GPC6: variants seen among roughly 807,000 people sequenced by gnomAD.
GPC6 encodes glypican 6.
A neutral mutation model predicts 55.2 loss-of-function variants in GPC6; 14 were observed. The observed-to-expected ratio is 0.25, with a 90% CI of 0.17 to 0.40. The LOEUF (loss-of-function observed/expected upper bound fraction) is 0.40. GPC6 is among the 10% of genes least tolerant of loss of function. The pLI is 1.00. For missense variants in GPC6, 641 were observed against 708.5 expected, an observed-to-expected ratio of 0.90 and a Z score of 1.08; for synonymous variants, 278 against 259.6, an observed-to-expected ratio of 1.07 and a Z score of -0.68.
rs779227498 is a variant in GPC6, at chr13:93,227,414, C to A, written c.-43C>A. On this transcript the variant is annotated 5_prime_UTR_variant, in exon 1 of 9. Coordinates refer to ENST00000377047, the MANE Select transcript of GPC6 (RefSeq NM_005708.5). This position sits in a 1 kb window ranked among gnomAD's most constrained non-coding sequence, Gnocchi z 4.3. ...GGCTTGAGGGGCAAGGTGAAGAGCG[C>A]ACCGGCCGTGGGGTTTACCGAGCTG... is the stretch of plus-strand genomic sequence containing the variant. 1 of 1,605,312 alleles carries A rather than the reference C, an allele frequency of 6.2e-7. No individual in the cohort carries two copies. Among genetic ancestry groups the A allele is most frequent in the South Asian group, 1.1e-5 (1 of 90,648 alleles).
chr13:93,285,801 C>A (rs535206382), intron 1 of GPC6, among the ~76,000 whole-genome samples: 2 of 151,990 alleles, frequency 1.3e-5, no homozygotes, highest in Admixed American at 1.3e-4. Context: ...AAAATTGCTG[C>A]TTTTGAAGAC....
Position 93,811,637 on chromosome 13 carries a change from G to A in GPC6, c.320-18517G>A, listed in dbSNP as rs148810449. Among the ~76,000 whole-genome samples the A allele has an allele frequency of 4.2e-3, 641 of 151,922 alleles. 10 individuals carry two copies. Among genetic ancestry groups the A allele is most frequent in the African/African-American group, 0.015 (606 of 41,414 alleles). ...ATGGTTTCATGAGAGAATGCAAAGC[G>A]TATTCATGGGGATTGAGGCAGAGTC... is the stretch of plus-strand genomic sequence containing the variant. On this transcript the variant is annotated intron_variant, in intron 2 of 8. Transcript: ENST00000377047.
intron 3 of GPC6, among the ~76,000 whole-genome samples, chr13:93,888,805 G>T (rs1315243140): frequency 2.6e-5 from 4 of 152,090 alleles, no homozygotes; most frequent in Non-Finnish European, 5.9e-5. Flanking sequence ...AAGCAGGAAA[G>T]AAACCAAATT....
chr13:94,195,578 C>T (rs566436545), intron 4 of GPC6, among the ~76,000 whole-genome samples: 2 of 152,280 alleles, frequency 1.3e-5, no homozygotes, highest in African/African-American at 4.8e-5. Flanking sequence ...CCTCTGCTTC[C>T]TCATTCATAA....
chr13:93,691,868 T>A (rs1332810625), intron 2 of GPC6, among the ~76,000 whole-genome samples: 1 of 152,048 alleles, frequency 6.6e-6, no homozygotes, highest in Non-Finnish European at 1.5e-5. Flanking sequence ...AGCAAAATAA[T>A]CATCATTTAG....
At chr13:93,755,555 G>A (rs1413967902) in intron 2 of GPC6, among the ~76,000 whole-genome samples, 3 of 152,200 alleles carry the variant, frequency 2.0e-5, no homozygotes, top group Non-Finnish European at 2.9e-5. Flanking sequence ...GCCCTAGGGA[G>A]AGGTTAGCAC....
chr13:93,575,537 G>A (rs745888087), intron 2 of GPC6, among the ~76,000 whole-genome samples: 3 of 152,128 alleles, frequency 2.0e-5, no homozygotes. Flanking sequence ...AGATTATGCT[G>A]CTGGTCCATG....
At chr13:94,208,184 C>T (rs779677607) in intron 4 of GPC6, among the ~76,000 whole-genome samples, 7 of 152,136 alleles carry the variant, frequency 4.6e-5, no homozygotes, top group South Asian at 2.1e-4. Flanking sequence ...ATCATTCTTG[C>T]GTATACAAAT....
chr13:93,630,700 A>G (rs1879390565), intron 2 of GPC6, among the ~76,000 whole-genome samples: 1 of 152,182 alleles, frequency 6.6e-6, no homozygotes, highest in Admixed American at 6.5e-5. Context: ...TATAGCAGCA[A>G]CTAAAATAAA....
chr13:94,304,016 C>G (rs894573854), intron 5 of GPC6, among the ~76,000 whole-genome samples: 1 of 152,184 alleles, frequency 6.6e-6, no homozygotes, highest in Non-Finnish European at 1.5e-5. Flanking sequence ...AGTCAGCTGT[C>G]ACTTTCAAAG....
chr13:93,362,957 G>C (rs1199863435), intron 1 of GPC6, among the ~76,000 whole-genome samples: 1 of 151,988 alleles, frequency 6.6e-6, no homozygotes, highest in Non-Finnish European at 1.5e-5. Flanking sequence ...TAATTTTTAG[G>C]TGAAAAGACA....
intron 4 of GPC6, among the ~76,000 whole-genome samples, chr13:94,106,322 A>G (rs1886052362): frequency 6.6e-6 from 1 of 152,226 alleles, no homozygotes; most frequent in Non-Finnish European, 1.5e-5. Flanking sequence ...AGGTTACATT[A>G]TTTGGTAATT....
At chr13:94,066,068 T>G (rs1471466268) in intron 4 of GPC6, among the ~76,000 whole-genome samples, 1 of 152,208 alleles carries the variant, frequency 6.6e-6, no homozygotes. Flanking sequence ...CATGATCGAG[T>G]TTGGTTTCTC....
chr13:93,898,845 G>A (rs1876169980), intron 3 of GPC6, among the ~76,000 whole-genome samples: 1 of 150,668 alleles, frequency 6.6e-6, no homozygotes, highest in Admixed American at 6.7e-5. Context: ...AGCAAAGCAA[G>A]CATTGCTTGG....
chr13:94,168,126 C>T (rs1485323342), intron 4 of GPC6, among the ~76,000 whole-genome samples: 1 of 152,192 alleles, frequency 6.6e-6, no homozygotes, highest in African/African-American at 2.4e-5. Context: ...GTGATTTGAC[C>T]AAGACAACTC....
intron 1 of GPC6, among the ~76,000 whole-genome samples, chr13:93,280,179 C>A (rs1031537686): frequency 2.6e-5 from 4 of 152,130 alleles, no homozygotes; most frequent in African/African-American, 9.7e-5. Flanking sequence ...TGGGGGGGGC[C>A]AGACCAAAGC....
At chr13:94,051,402 T>G (rs1883943668) in intron 4 of GPC6, among the ~76,000 whole-genome samples, 1 of 152,170 alleles carries the variant, frequency 6.6e-6, no homozygotes, top group South Asian at 2.1e-4. Context: ...CTTTAACAGC[T>G]TGGCAGGCTG....
At position 93,829,971 on chromosome 13, in the gene GPC6, A is replaced by G. The variant is rs7139626; in HGVS notation, c.320-183A>G. Among the ~76,000 whole-genome samples, 6,083 of 152,274 alleles carry G rather than the reference A, an allele frequency of 0.04. 294 individuals carry two copies. Among genetic ancestry groups the G allele is most frequent in the African/African-American group, 0.12 (4,828 of 41,538 alleles). ...TGGGGTATTCTGTTTTGAGTTGTAC[A>G]AGGTCATAGATGTAGGTCAAATCCC... On this transcript the variant is annotated intron_variant, in intron 2 of 8. Coordinates refer to ENST00000377047, the MANE Select transcript of GPC6 (RefSeq NM_005708.5).
chr13:93,640,832 G>GTTCA (rs139678053), intron 2 of GPC6, among the ~76,000 whole-genome samples: 1 of 119,952 alleles, frequency 8.3e-6, no homozygotes, highest in African/African-American at 3.5e-5. Flanking sequence ...TCCTTCCTTT[G>GTTCA]TTCCTTCCTT....
Sources: gnomAD v4.1 joint callset for allele counts (sites outside exome capture counted in the v4.1 genomes callset) on GRCh38, gnomAD v4.1.1 for gene constraint, Gnocchi (gnomAD v3.1) non-coding constraint, MANE v1.5 for transcripts, NCBI Gene and HGNC (gene_info 2026-07-23, HGNC 2026-07-21) for gene names.